Variants in RANBP2 observed in about 807,000 individuals in gnomAD.
The protein encoded by RANBP2 is RAN binding protein 2.
RANBP2 carries 57 observed loss-of-function variants against 303.6 expected under a neutral mutation model. The observed-to-expected ratio is 0.19, with a 90% confidence interval of 0.15 to 0.23. The LOEUF is 0.23. Among genes scored for constraint, RANBP2 ranks in the 10% least tolerant of loss-of-function variants. The pLI is 1.00. For missense variants in RANBP2, 3,138 were observed against 3,780.8 expected, an observed-to-expected ratio of 0.83 and a Z score of 4.46; for synonymous variants, 1,167 against 1,301.5, an observed-to-expected ratio of 0.90 and a Z score of 2.23.
chr2:109,029,159 A>G, the RANBP2 span, among the ~76,000 whole-genome samples: 2 of 152,164 alleles, frequency 1.3e-5, no homozygotes, highest in African/African-American at 4.8e-5. Flanking sequence ...AAATAAATAA[A>G]TAAGGTTTAA....
chr2:109,616,293 TC>T, the RANBP2 span: 1 of 496,084 alleles, frequency 2.0e-6, no homozygotes, highest in Non-Finnish European at 3.2e-6. Flanking sequence ...GCCCTCCACT[TC>T]CCTGCCCTGG....
At chr2:109,347,372 G>C in the RANBP2 span, among the ~76,000 whole-genome samples, 3 of 152,174 alleles carry the variant, frequency 2.0e-5, no homozygotes, top group Admixed American at 6.5e-5. Flanking sequence ...ATGAAGACAA[G>C]CCAGCACCTA....
At chr2:109,279,045 A>T in the RANBP2 span, among the ~76,000 whole-genome samples, 2 of 152,122 alleles carry the variant, frequency 1.3e-5, no homozygotes, top group Non-Finnish European at 2.9e-5. Flanking sequence ...TTCCAGGGTG[A>T]TGGGGGAGCA....
the RANBP2 span, among the ~76,000 whole-genome samples, chr2:109,223,966 C>T: frequency 6.6e-6 from 1 of 152,184 alleles, no homozygotes; most frequent in Non-Finnish European, 1.5e-5. Context: ...TGTGCCACTG[C>T]ACTCCAGCCT....
chr2:109,704,722 G>C, the RANBP2 span, among the ~76,000 whole-genome samples: 5 of 151,822 alleles, frequency 3.3e-5, no homozygotes, highest in Non-Finnish European at 7.4e-5. Flanking sequence ...GTGGTGGCAG[G>C]CACCTGTAAT....
At chr2:109,553,990 T>A in the RANBP2 span, among the ~76,000 whole-genome samples, 1 of 152,222 alleles carries the variant, frequency 6.6e-6, no homozygotes, top group Non-Finnish European at 1.5e-5. Flanking sequence ...GGGTAATTGA[T>A]ATAAACAAGA....
At chr2:108,984,573 G>C in the RANBP2 span, among the ~76,000 whole-genome samples, 1 of 152,062 alleles carries the variant, frequency 6.6e-6, no homozygotes, top group African/African-American at 2.4e-5. Context: ...CCTTTCTTGC[G>C]GGTGTCCTGG....
At chr2:108,769,395 C>G in intron 20 of RANBP2, 1 of 970,854 alleles carries the variant, frequency 1.0e-6, no homozygotes, top group Non-Finnish European at 1.2e-6. Flanking sequence ...CTGGGTAGCC[C>G]TTAGCAAAGT....
the RANBP2 span, among the ~76,000 whole-genome samples, chr2:109,500,820 A>G: frequency 6.6e-6 from 1 of 152,072 alleles, no homozygotes; most frequent in Non-Finnish European, 1.5e-5. Flanking sequence ...GCATGGTGGT[A>G]TGTGCCTTGG....
chr2:109,371,985 C>T, the RANBP2 span, among the ~76,000 whole-genome samples: 1 of 152,204 alleles, frequency 6.6e-6, no homozygotes, highest in African/African-American at 2.4e-5. Flanking sequence ...ACCCCTGCGC[C>T]TGGCACCCAT....
At chr2:109,020,749 C>T in the RANBP2 span, among the ~76,000 whole-genome samples, 1,495 of 152,280 alleles carry the variant, frequency 9.8e-3, 24 homozygotes, top group African/African-American at 0.033. Flanking sequence ...GACATCAGGG[C>T]GCATTTTTAG....
chr2:108,983,716 G>A, the RANBP2 span, among the ~76,000 whole-genome samples: 17 of 152,200 alleles, frequency 1.1e-4, no homozygotes, highest in Non-Finnish European at 1.6e-4. Context: ...TGGTGGCTCC[G>A]TGCGGGACGG....
At chr2:109,339,197 G>A in the RANBP2 span, among the ~76,000 whole-genome samples, 1 of 141,154 alleles carries the variant, frequency 7.1e-6, no homozygotes, top group East Asian at 2.4e-4. Context: ...GGCACACTCG[G>A]TATAACTTTT....
the RANBP2 span, chr2:108,894,895 A>T: frequency 2.0e-5 from 3 of 152,250 alleles, no homozygotes; most frequent in African/African-American, 7.2e-5. Flanking sequence ...CCAAAGCACC[A>T]GGAGCAGAGA....
the RANBP2 span, among the ~76,000 whole-genome samples, chr2:109,599,743 TAA>T: frequency 9.9e-5 from 15 of 152,268 alleles, no homozygotes; most frequent in Non-Finnish European, 1.2e-4. Context: ...ATAAAAGAGT[TAA>T]GAGTCTCAAG....
Position 108,765,865 on chromosome 2 carries a change from G to C in RANBP2, c.5326G>C (p.Glu1776Gln). The change falls in exon 20 of 29, where the codon GAA (glutamate) becomes CAA (glutamine). Residue 1776 changes from glutamate to glutamine, a missense_variant. Around this residue, in one of 20 missense-constraint regions of RANBP2, gnomAD observed 348 missense variants for 360.4 expected, o/e 0.97. Transcript: ENST00000283195. ...EISKAPKSGFEGMFIRKGQWD... is the reference protein window; with the variant it reads ...EISKAPKSGFQGMFIRKGQWD... ...AAGCAAGGCTCCAAAGAGTGGATTT[G>C]AAGGAATGTTCATCAGGAAAGGACA... 1 of 1,614,192 alleles carries C rather than the reference G, an allele frequency of 6.2e-7. No individual in the cohort carries two copies. The highest frequency in any genetic ancestry group is 8.5e-7 in the Non-Finnish European group (1 of 1,180,006).
the RANBP2 span, among the ~76,000 whole-genome samples, chr2:109,171,484 G>A: frequency 2.6e-4 from 40 of 152,264 alleles, no homozygotes; most frequent in Non-Finnish European, 5.3e-4. Flanking sequence ...CCCCTACCCC[G>A]ACCCCTCACT....
chr2:108,803,379 A>G, the RANBP2 span, among the ~76,000 whole-genome samples: 1 of 90,170 alleles, frequency 1.1e-5, no homozygotes, highest in African/African-American at 3.7e-5. Flanking sequence ...TGCCAGGAAG[A>G]CTGGTTTTCT....
chr2:108,892,981 A>G, the RANBP2 span, among the ~76,000 whole-genome samples: 3 of 152,320 alleles, frequency 2.0e-5, no homozygotes, highest in Admixed American at 6.5e-5. Context: ...GCTATTTCTA[A>G]TACTACATTG....
Sources: allele counts gnomAD v4.1 joint callset (sites outside exome capture counted in the v4.1 genomes callset), GRCh38; gene constraint gnomAD v4.1.1; regional missense constraint gnomAD v4.1.1; transcripts MANE v1.5; gene names NCBI Gene and HGNC (gene_info 2026-07-23, HGNC 2026-07-21).